The following GALNTL6 variants were observed in gnomAD, a reference collection of about 807,000 sequenced individuals.
The protein encoded by GALNTL6 is polypeptide N-acetylgalactosaminyltransferase-like 6.
In GALNTL6, 46 loss-of-function variants were observed where a neutral mutation model predicts 73.7. The observed-to-expected ratio is 0.62, with a 90% CI of 0.49 to 0.80. The LOEUF (loss-of-function observed/expected upper bound fraction) is 0.80. GALNTL6 is among the 30% of genes least tolerant of loss of function. The pLI, the probability that GALNTL6 is intolerant of heterozygous loss-of-function variation, is 0.00. For missense variants in GALNTL6, 604 were observed against 755.0 expected, an observed-to-expected ratio of 0.80 and a Z score of 2.34; for synonymous variants, 259 against 263.7, an observed-to-expected ratio of 0.98 and a Z score of 0.17.
intron 5 of GALNTL6, among the ~76,000 whole-genome samples, chr4:172,431,219 A>G (rs2111382607): frequency 6.6e-6 from 1 of 152,270 alleles, no homozygotes; most frequent in South Asian, 2.1e-4. Flanking sequence ...AGATTTCCAT[A>G]TTCTAATTAT....
chr4:172,756,145 T>C (rs1737737427), intron 5 of GALNTL6, among the ~76,000 whole-genome samples: 1 of 152,228 alleles, frequency 6.6e-6, no homozygotes, highest in African/African-American at 2.4e-5. Context: ...TAAGTTATTA[T>C]AGCCAACTAA....
chr4:172,911,657 T>C (rs1250160831), intron 8 of GALNTL6, among the ~76,000 whole-genome samples: 1 of 152,180 alleles, frequency 6.6e-6, no homozygotes, highest in East Asian at 1.9e-4. Context: ...AACTCAAAGA[T>C]AAACAGAAAC....
At chr4:172,687,280 T>TA (rs893661495) in intron 5 of GALNTL6, among the ~76,000 whole-genome samples, 3 of 152,144 alleles carry the variant, frequency 2.0e-5, no homozygotes, top group Admixed American at 2.0e-4. Context: ...ATATATTTGA[T>TA]AAAAATGTGC....
At chr4:172,217,194 C>A (rs1292093842) in intron 2 of GALNTL6, among the ~76,000 whole-genome samples, 1 of 152,128 alleles carries the variant, frequency 6.6e-6, no homozygotes, top group African/African-American at 2.4e-5. Context: ...AGAAAAAGAT[C>A]TAGCAATGTT....
At chr4:172,345,664 T>C (rs559960045) in intron 4 of GALNTL6, among the ~76,000 whole-genome samples, 4 of 152,288 alleles carry the variant, frequency 2.6e-5, no homozygotes, top group South Asian at 4.1e-4. Context: ...CCAAATGAGG[T>C]ATAACTTATT....
At chr4:172,072,132 TA>T (rs1466625044) in intron 2 of GALNTL6, among the ~76,000 whole-genome samples, 2 of 152,152 alleles carry the variant, frequency 1.3e-5, no homozygotes, top group African/African-American at 2.4e-5. Flanking sequence ...ATACTTCCCC[TA>T]CTCCCCACTT....
At chr4:172,407,653 ATATT>A (rs1338944429) in intron 5 of GALNTL6, among the ~76,000 whole-genome samples, 2 of 152,212 alleles carry the variant, frequency 1.3e-5, no homozygotes, top group Admixed American at 1.3e-4. Context: ...AACAAAATGA[ATATT>A]TGCTTTATTT....
chr4:172,312,595 G>A (rs1036979485), intron 4 of GALNTL6, among the ~76,000 whole-genome samples: 2 of 152,082 alleles, frequency 1.3e-5, no homozygotes, highest in African/African-American at 4.8e-5. Flanking sequence ...AAACCCTGGT[G>A]TGAGAGAGAG....
chr4:172,366,579 T>A (rs1397521868), intron 5 of GALNTL6, among the ~76,000 whole-genome samples: 1 of 152,160 alleles, frequency 6.6e-6, no homozygotes, highest in Non-Finnish European at 1.5e-5. Flanking sequence ...AACGCTGACA[T>A]CCTTGTAGTA....
Position 172,307,855 on chromosome 4 carries a change from A to G in GALNTL6, c.248-3759A>G, listed in dbSNP as rs1561018244. On this transcript the variant is annotated intron_variant, in intron 3 of 12. Coordinates refer to ENST00000506823, the MANE Select transcript of GALNTL6 (RefSeq NM_001034845.3). ...GTTATGTGGGATCTTTTTTAGTTCC[A>G]TATGAATTTTAGGATTGCTTTTTCT... is the stretch of plus-strand genomic sequence containing the variant. 2.6e-5 allele frequency among the ~76,000 whole-genome samples: 4 copies of G among 151,942 alleles called. No homozygotes were observed. In the South Asian group the frequency reaches 8.3e-4, roughly 32 times the overall value.
chr4:172,246,096 A>G (rs1405784099), intron 3 of GALNTL6, among the ~76,000 whole-genome samples: 1 of 152,168 alleles, frequency 6.6e-6, no homozygotes, highest in African/African-American at 2.4e-5. Context: ...TAGATACTAT[A>G]ATAAGATGAG....
intron 5 of GALNTL6, among the ~76,000 whole-genome samples, chr4:172,455,083 G>A (rs1268067283): frequency 6.6e-6 from 1 of 152,180 alleles, no homozygotes; most frequent in Non-Finnish European, 1.5e-5. Context: ...GCAGGGTGGG[G>A]CATCACCTCA....
chr4:172,647,090 T>G (rs995980174), intron 5 of GALNTL6, among the ~76,000 whole-genome samples: 1 of 151,932 alleles, frequency 6.6e-6, no homozygotes, highest in Non-Finnish European at 1.5e-5. Context: ...AAAAATTAGG[T>G]CCTAACTTTT....
intron 5 of GALNTL6, among the ~76,000 whole-genome samples, chr4:172,740,406 G>A (rs373336862): frequency 2.0e-5 from 3 of 152,140 alleles, no homozygotes; most frequent in Non-Finnish European, 2.9e-5. Context: ...AAAAGTCATC[G>A]TGTTGTTCAC....
In GALNTL6 at chr4:172,431,500, A is replaced by T. The variant is rs335974; in HGVS notation, c.553+82811A>T. Among the ~76,000 whole-genome samples, 1,406 of 152,258 alleles carry T rather than the reference A, an allele frequency of 9.2e-3. 27 individuals are homozygous for T. The highest frequency in any genetic ancestry group is 0.032 in the African/African-American group (1,328 of 41,564). ...CATATAAATACATATGCATATATGT[A>T]TGTGTATATTGTGTGTAATGTATGT... is the stretch of plus-strand genomic sequence containing the variant. On this transcript the variant is annotated intron_variant, in intron 5 of 12. Coordinates refer to ENST00000506823, the MANE Select transcript of GALNTL6 (RefSeq NM_001034845.3).
chr4:171,852,916 G>C (rs146149145), intron 2 of GALNTL6, among the ~76,000 whole-genome samples: 1 of 151,688 alleles, frequency 6.6e-6, no homozygotes, highest in Non-Finnish European at 1.5e-5. Flanking sequence ...GCCCGATCTC[G>C]GCTCACTGCA....
In GALNTL6 at chr4:172,045,281, T is replaced by A. The variant is rs189931322; in HGVS notation, c.139-184375T>A. On this transcript the variant is annotated intron_variant, in intron 2 of 12. Coordinates refer to ENST00000506823, the MANE Select transcript of GALNTL6 (RefSeq NM_001034845.3). Reference sequence around the variant, plus strand: ...CTTTGGCTTTGTACAGTGGAGCAGGTGGGTCTGAATTCTATTCTAATGCAA... The same window carrying A: ...CTTTGGCTTTGTACAGTGGAGCAGGAGGGTCTGAATTCTATTCTAATGCAA... Among the ~76,000 whole-genome samples, 252 of 152,098 alleles carry A rather than the reference T, an allele frequency of 1.7e-3. 1 individual carries two copies. The highest frequency in any genetic ancestry group is 5.4e-3 in the African/African-American group (224 of 41,538).
intron 2 of GALNTL6, among the ~76,000 whole-genome samples, chr4:172,001,504 A>G (rs1315421816): frequency 6.6e-6 from 1 of 152,202 alleles, no homozygotes; most frequent in East Asian, 1.9e-4. Flanking sequence ...CAGTAAGAGT[A>G]CATGAAGTTT....
At chr4:172,273,538 A>G (rs1474574072) in intron 3 of GALNTL6, among the ~76,000 whole-genome samples, 1 of 152,206 alleles carries the variant, frequency 6.6e-6, no homozygotes, top group Non-Finnish European at 1.5e-5. Context: ...ACTGGTGCAC[A>G]TAATACAATG....
Sources: gnomAD v4.1 joint callset for allele counts (sites outside exome capture counted in the v4.1 genomes callset) on GRCh38, gnomAD v4.1.1 for gene constraint, MANE v1.5 for transcripts, NCBI Gene and HGNC (gene_info 2026-07-23, HGNC 2026-07-21) for gene names.